UTRN: variants seen among roughly 807,000 people sequenced by gnomAD.
UTRN encodes the protein dystrophin-related protein 1.
In UTRN, 283 loss-of-function variants were observed where a neutral mutation model predicts 463.9. That is an observed-to-expected ratio of 0.61 (90% CI 0.55 to 0.67). The LOEUF (loss-of-function observed/expected upper bound fraction) is 0.67. Among genes scored for constraint, UTRN ranks in the 30% least tolerant of loss-of-function variants. The probability of loss-of-function intolerance (pLI) is 0.00; values close to 1 mark genes in which losing one functional copy is unlikely to be tolerated. For synonymous variants in UTRN, 1,442 were observed against 1,431.5 expected (o/e 1.01, Z -0.17); for missense variants, 3,922 against 4,084.3 (o/e 0.96, Z 1.08).
intron 51 of UTRN, among the ~76,000 whole-genome samples, chr6:144,618,239 C>T (rs1343004949): frequency 6.6e-6 from 1 of 152,146 alleles, no homozygotes; most frequent in Non-Finnish European, 1.5e-5. Context: ...GGGATATCCA[C>T]TGGAGGTTTT....
chr6:144,310,531 G>A (rs1404049785), intron 2 of UTRN, among the ~76,000 whole-genome samples: 5 of 120,230 alleles, frequency 4.2e-5, no homozygotes, highest in South Asian at 3.2e-4. Flanking sequence ...GTGAAACTCC[G>A]TCTCAAAAAA....
At chr6:144,826,975 A>G (rs2297846) in intron 66 of UTRN, among the ~76,000 whole-genome samples, 17,279 of 152,190 alleles carry the variant, frequency 0.11, 1,323 homozygotes, top group East Asian at 0.45. Context: ...TTCTCTAGGA[A>G]AAACAAAAAT....
chr6:144,513,444 G>A lies in UTRN; in HGVS notation c.4945-465G>A, dbSNP rs1052877524. Reference sequence around the variant, plus strand: ...GCAAGCCTGCAGTCCCAGCTACTCGGGAGACTGAGGCAGGAGAATCACTTG... The same window carrying A: ...GCAAGCCTGCAGTCCCAGCTACTCGAGAGACTGAGGCAGGAGAATCACTTG... On this transcript the variant is annotated intron_variant, in intron 35 of 74. Transcript: ENST00000367545. Among the ~76,000 whole-genome samples, 59 of 152,090 alleles carry A rather than the reference G, an allele frequency of 3.9e-4. 2 individuals carry two copies. The highest frequency in any genetic ancestry group is 2.1e-4 in the South Asian group (1 of 4,818).
intron 2 of UTRN, among the ~76,000 whole-genome samples, chr6:144,375,966 G>T (rs1326081463): frequency 1.3e-5 from 2 of 151,944 alleles, no homozygotes; most frequent in Non-Finnish European, 2.9e-5. Context: ...AGTTGTAATG[G>T]GTTTTTGATA....
At chr6:144,776,515 A>G (rs1307677605) in intron 60 of UTRN, among the ~76,000 whole-genome samples, 1 of 152,134 alleles carries the variant, frequency 6.6e-6, no homozygotes, top group Non-Finnish European at 1.5e-5. Context: ...CTATAAAGAG[A>G]CTTGATTCTC....
At chr6:144,655,961 G>GT (rs1377141257) in intron 51 of UTRN, among the ~76,000 whole-genome samples, 2 of 152,148 alleles carry the variant, frequency 1.3e-5, no homozygotes, top group Admixed American at 6.5e-5. Flanking sequence ...TTGGAATGTG[G>GT]TTTTTATTAA....
At chr6:144,544,617 C>T (rs913258078) in intron 46 of UTRN, among the ~76,000 whole-genome samples, 5 of 152,024 alleles carry the variant, frequency 3.3e-5, no homozygotes, top group Admixed American at 6.5e-5. Context: ...AAGCACTCAG[C>T]GCTAAGAGAC....
chr6:144,677,909 G>T (rs1781807041), intron 51 of UTRN, among the ~76,000 whole-genome samples: 1 of 152,186 alleles, frequency 6.6e-6, no homozygotes, highest in South Asian at 2.1e-4. Context: ...CTTTTGAGAA[G>T]TGACTCTTTG....
chr6:144,526,037 T>C (rs1218347341), intron 41 of UTRN, among the ~76,000 whole-genome samples: 3 of 152,192 alleles, frequency 2.0e-5, no homozygotes, highest in African/African-American at 7.2e-5. Context: ...TCCACTGTGG[T>C]CTGAGAGAGT....
chr6:144,732,239 C>CATATATATATATATATATAT (rs71810800), intron 54 of UTRN, among the ~76,000 whole-genome samples: 2 of 116,062 alleles, frequency 1.7e-5, no homozygotes, highest in South Asian at 3.1e-4. Context: ...TATATATATA[C>CATATATATATATATATATAT]ATATATATAT....
chr6:144,394,893 TG>T (rs1036978387), intron 2 of UTRN, among the ~76,000 whole-genome samples: 6 of 152,180 alleles, frequency 3.9e-5, no homozygotes, highest in Non-Finnish European at 7.4e-5. Flanking sequence ...GACATATTTT[TG>T]CTGCTATTTT....
chr6:144,502,038 T>A (rs976856209), intron 34 of UTRN, among the ~76,000 whole-genome samples: 1 of 152,162 alleles, frequency 6.6e-6, no homozygotes, highest in Non-Finnish European at 1.5e-5. Flanking sequence ...CAATGCTTAG[T>A]GAGTTGTGTT....
At chr6:144,623,413 A>G (rs1035685057) in intron 51 of UTRN, among the ~76,000 whole-genome samples, 1 of 152,228 alleles carries the variant, frequency 6.6e-6, no homozygotes, top group Non-Finnish European at 1.5e-5. Context: ...AGTAAGAGTT[A>G]ATGTTTAAGG....
At chr6:144,712,260 C>T (rs1278586109) in intron 53 of UTRN, among the ~76,000 whole-genome samples, 2 of 152,148 alleles carry the variant, frequency 1.3e-5, no homozygotes, top group African/African-American at 4.8e-5. Flanking sequence ...TGTCAGTGAG[C>T]CTGCACCTAC....
intron 52 of UTRN, among the ~76,000 whole-genome samples, chr6:144,692,352 A>G (rs139810700): frequency 4.8e-4 from 73 of 152,346 alleles, no homozygotes; most frequent in African/African-American, 1.7e-3. Context: ...TACAATGAAC[A>G]TACATATGCA....
chr6:144,636,560 T>G (rs1241247961), intron 51 of UTRN, among the ~76,000 whole-genome samples: 2 of 152,180 alleles, frequency 1.3e-5, no homozygotes, highest in African/African-American at 4.8e-5. Flanking sequence ...AAAATAGTTT[T>G]AAGCTGGTTT....
intron 51 of UTRN, among the ~76,000 whole-genome samples, chr6:144,640,058 G>GAGAGAC (rs143064989): frequency 6.6e-6 from 1 of 151,000 alleles, no homozygotes; most frequent in African/African-American, 2.4e-5. Context: ...GAGAGAGAGA[G>GAGAGAC]AGATTGAGAG....
At chr6:144,349,704 T>C (rs1446633885) in intron 2 of UTRN, among the ~76,000 whole-genome samples, 1 of 152,316 alleles carries the variant, frequency 6.6e-6, no homozygotes, top group Non-Finnish European at 1.5e-5. Flanking sequence ...TTCCTTGGCA[T>C]TACTTGAAAG....
chr6:144,723,632 C>G (rs1478001556), intron 53 of UTRN, among the ~76,000 whole-genome samples: 1 of 152,146 alleles, frequency 6.6e-6, no homozygotes, highest in African/African-American at 2.4e-5. Flanking sequence ...TGGGAGCAGC[C>G]ATCTTGTTAT....
Sources: allele counts gnomAD v4.1 joint callset (sites outside exome capture counted in the v4.1 genomes callset), GRCh38; gene constraint gnomAD v4.1.1; transcripts MANE v1.5; gene names NCBI Gene and HGNC (gene_info 2026-07-23, HGNC 2026-07-21).